CHRNA7: variants seen among roughly 807,000 people sequenced by gnomAD.
The protein encoded by CHRNA7 is cholinergic receptor nicotinic alpha 7 subunit, also known as neuronal acetylcholine receptor subunit alpha-7.
In CHRNA7, 17 loss-of-function variants were observed where a neutral mutation model predicts 48.0. That is an observed-to-expected ratio of 0.35 (90% confidence interval 0.24 to 0.53). The LOEUF (loss-of-function observed/expected upper bound fraction) is 0.53. Ranked by LOEUF, CHRNA7 falls within the 20% of genes least tolerant of loss-of-function variation. The pLI is 0.92. For synonymous variants in CHRNA7, 75 were observed against 242.3 expected (o/e 0.31, Z 6.41); for missense variants, 155 against 577.7 (o/e 0.27, Z 7.50).
chr15:32,100,846 G>A (rs867019417), intron 2 of CHRNA7: 2 of 172,242 alleles, frequency 1.2e-5, no homozygotes, highest in South Asian at 3.2e-4. Flanking sequence ...GCTCCACACA[G>A]GGCCATGGCC....
intron 2 of CHRNA7, among the ~76,000 whole-genome samples, chr15:32,097,255 A>T (rs2141254064): frequency 6.6e-6 from 1 of 152,210 alleles, no homozygotes; most frequent in East Asian, 1.9e-4. Context: ...AGGAATAGCC[A>T]GGGGGGCAGC....
chr15:32,059,327 A>T lies in CHRNA7; in HGVS notation c.195+28290A>T, dbSNP rs114087523. On this transcript the variant is annotated intron_variant, in intron 2 of 9. Transcript: ENST00000306901. ...TATTTGCTCATTAAATGAATGGATTATGCAGTAGCCAAGATAATTGAAATA... is the reference window on the plus strand; with the variant it reads ...TATTTGCTCATTAAATGAATGGATTTTGCAGTAGCCAAGATAATTGAAATA... Among the ~76,000 whole-genome samples the T allele has an allele frequency of 6.7e-3, 1,017 of 152,306 alleles. 13 individuals carry two copies. The highest frequency in any genetic ancestry group is 0.024 in the African/African-American group (979 of 41,564).
chr15:32,078,148 A>G (rs1396139991), intron 2 of CHRNA7, among the ~76,000 whole-genome samples: 1 of 152,152 alleles, frequency 6.6e-6, no homozygotes, highest in Non-Finnish European at 1.5e-5. Context: ...GTCTCTTTCA[A>G]TTACTTTCTC....
At chr15:32,137,565 GA>G (rs932318650) in intron 4 of CHRNA7, among the ~76,000 whole-genome samples, 31 of 151,680 alleles carry the variant, frequency 2.0e-4, no homozygotes, top group Admixed American at 3.3e-4. Context: ...GTAACAAGGG[GA>G]AAAAAAATGT....
At chr15:32,094,855 T>C (rs1171813216) in intron 2 of CHRNA7, among the ~76,000 whole-genome samples, 1 of 151,992 alleles carries the variant, frequency 6.6e-6, no homozygotes, top group Non-Finnish European at 1.5e-5. Flanking sequence ...AGAGACGGGG[T>C]TTCACCATGG....
At chr15:32,116,840 A>T (rs966884159) in intron 4 of CHRNA7, among the ~76,000 whole-genome samples, 4 of 152,222 alleles carry the variant, frequency 2.6e-5, no homozygotes, top group African/African-American at 9.6e-5. Context: ...TTAGAACAGC[A>T]TGGGGTTTCA....
At chr15:32,049,590 C>T (rs1046079547) in intron 2 of CHRNA7, among the ~76,000 whole-genome samples, 1 of 152,142 alleles carries the variant, frequency 6.6e-6, no homozygotes, top group Non-Finnish European at 1.5e-5. Context: ...TGGGTCTTGA[C>T]TCTTTATCCA....
At chr15:32,045,236 T>C (rs998466044) in intron 2 of CHRNA7, among the ~76,000 whole-genome samples, 10 of 152,178 alleles carry the variant, frequency 6.6e-5, no homozygotes, top group Admixed American at 1.3e-4. Flanking sequence ...TCTTTTTGCT[T>C]TTCTGTTACA....
intron 2 of CHRNA7, among the ~76,000 whole-genome samples, chr15:32,074,901 G>A (rs139877546): frequency 2.0e-5 from 3 of 151,906 alleles, no homozygotes; most frequent in Non-Finnish European, 2.9e-5. Context: ...CACCCACCTC[G>A]GCCTCCCAAA....
chr15:32,085,094 G>A (rs1186137220), intron 2 of CHRNA7, among the ~76,000 whole-genome samples: 1 of 152,128 alleles, frequency 6.6e-6, no homozygotes, highest in African/African-American at 2.4e-5. Flanking sequence ...CTCCCAAAGT[G>A]CTGGGATTAC....
At chr15:32,087,945 CTAAG>C (rs1449372762) in intron 2 of CHRNA7, among the ~76,000 whole-genome samples, 2 of 152,172 alleles carry the variant, frequency 1.3e-5, no homozygotes, top group Non-Finnish European at 1.5e-5. Context: ...ACCGAATCTC[CTAAG>C]TATTTGTTTT....
At chr15:32,081,644 T>C (rs2141232989) in intron 2 of CHRNA7, among the ~76,000 whole-genome samples, 1 of 152,300 alleles carries the variant, frequency 6.6e-6, no homozygotes, top group South Asian at 2.1e-4. Flanking sequence ...ATAGAAACTT[T>C]ACCTCCCTTT....
intron 2 of CHRNA7, among the ~76,000 whole-genome samples, chr15:32,041,898 T>G (rs140254110): frequency 1.2e-4 from 18 of 152,350 alleles, no homozygotes; most frequent in African/African-American, 4.3e-4. Context: ...GTTTAACTGT[T>G]CTTGCATGAT....
At position 32,030,822 on chromosome 15, in the gene CHRNA7, G is replaced by A. The variant is rs112828370; in HGVS notation, c.56-76G>A. 16 of 1,542,890 alleles carry A rather than the reference G, an allele frequency of 1.0e-5. No homozygotes were observed. In the African/African-American group the frequency reaches 1.5e-4, roughly 15 times the overall value. ...GGGCTGCACCGGGTGGGCGGCGGGGGACGCCGGCAGGAGGGAGTCGGGGGT... is the reference window on the plus strand; with the variant it reads ...GGGCTGCACCGGGTGGGCGGCGGGGAACGCCGGCAGGAGGGAGTCGGGGGT... On this transcript the variant is annotated intron_variant, in intron 1 of 9. Transcript: ENST00000306901.
intron 4 of CHRNA7, among the ~76,000 whole-genome samples, chr15:32,114,059 T>TATATATGTGTATATATATATATAC (rs1187735599): frequency 2.6e-5 from 1 of 38,356 alleles, no homozygotes; most frequent in South Asian, 1.3e-3. Flanking sequence ...TATATATATA[T>TATATATGTGTATATATATATATAC]ACATATATAT....
At chr15:32,050,959 C>T (rs557950735) in intron 2 of CHRNA7, among the ~76,000 whole-genome samples, 46 of 152,246 alleles carry the variant, frequency 3.0e-4, no homozygotes, top group African/African-American at 7.5e-4. Context: ...TGCAGAACCG[C>T]GGATTTTCAT....
chr15:32,095,065 G>A (rs1374181394), intron 2 of CHRNA7, among the ~76,000 whole-genome samples: 3 of 152,262 alleles, frequency 2.0e-5, no homozygotes, highest in Non-Finnish European at 4.4e-5. Context: ...GAAAAGTTCA[G>A]GGGATGGGAC....
chr15:32,093,423 G>A (rs373673637), intron 2 of CHRNA7, among the ~76,000 whole-genome samples: 15 of 152,318 alleles, frequency 9.8e-5, no homozygotes, highest in South Asian at 8.3e-4. Context: ...GGATGGGGCA[G>A]CTCTGGGCAT....
At chr15:32,097,479 A>G (rs946178068) in intron 2 of CHRNA7, among the ~76,000 whole-genome samples, 3 of 152,134 alleles carry the variant, frequency 2.0e-5, no homozygotes, top group African/African-American at 7.2e-5. Context: ...GACACAGTGA[A>G]AGGTGGCTGC....
Sources: allele counts gnomAD v4.1 joint callset (sites outside exome capture counted in the v4.1 genomes callset), GRCh38; gene constraint gnomAD v4.1.1; transcripts MANE v1.5; gene names NCBI Gene and HGNC (gene_info 2026-07-23, HGNC 2026-07-21).